Variants in GSE1 observed in about 807,000 individuals in gnomAD.
The protein encoded by GSE1 is Gse1 coiled-coil protein, also known as genetic suppressor element 1.
Under a neutral mutation model 112.6 loss-of-function variants are expected in GSE1, and 32 were observed. The observed-to-expected ratio is 0.28, with a 90% CI of 0.21 to 0.38. GSE1 has a LOEUF of 0.38. Among genes scored for constraint, GSE1 ranks in the 10% least tolerant of loss-of-function variants. The pLI is 1.00. For missense variants in GSE1, 2,348 were observed against 1,699.2 expected, an observed-to-expected ratio of 1.38 and a Z score of -6.71; for synonymous variants, 1,115 against 735.6, an observed-to-expected ratio of 1.52 and a Z score of -8.35.
At chr16:85,391,011 G>A (rs1251854175) in intron 2 of GSE1, among the ~76,000 whole-genome samples, 1 of 152,052 alleles carries the variant, frequency 6.6e-6, no homozygotes, top group East Asian at 1.9e-4. Context: ...TGCGCCCTGG[G>A]AGTTGACAGG....
At chr16:85,204,574 C>T (rs1361238352) in intron 1 of GSE1, among the ~76,000 whole-genome samples, 1 of 152,234 alleles carries the variant, frequency 6.6e-6, no homozygotes, top group African/African-American at 2.4e-5. Flanking sequence ...ACCACCTCAC[C>T]AGCACTTCTT....
intron 1 of GSE1, among the ~76,000 whole-genome samples, chr16:85,274,765 C>T (rs932319597): frequency 7.9e-5 from 12 of 152,246 alleles, no homozygotes; most frequent in African/African-American, 2.2e-4. Context: ...CCAGCCTGCA[C>T]GTCCAGCCAC....
rs200904607 is a variant in GSE1, at chr16:85,657,590, G to A, written c.1626G>A (p.Pro542=). Residue 542 remains proline, a synonymous_variant, in exon 8 of 16, where the codon CCG becomes CCA. Coordinates refer to ENST00000253458, the MANE Select transcript of GSE1 (RefSeq NM_014615.5). ...PPVPAEAEHR[P]ESTTRPGPNR... is the part of the protein sequence containing the mutation. ...TGCCGGCGGAGGCAGAGCACAGGCC[G>A]GAGAGCACCACCAGGTGAGTGAGCC... 80 of 1,535,658 alleles carry A rather than the reference G, an allele frequency of 5.2e-5. No individual in the cohort carries two copies. Among genetic ancestry groups the A allele is most frequent in the Non-Finnish European group, 5.6e-5 (64 of 1,142,418 alleles).
intron 2 of GSE1, among the ~76,000 whole-genome samples, chr16:85,448,063 A>G (rs1014577229): frequency 1.3e-5 from 2 of 152,220 alleles, no homozygotes; most frequent in African/African-American, 4.8e-5. Flanking sequence ...GCGAGGGCTC[A>G]TCAGCCCTCT....
chr16:85,616,173 C>T (rs561071730), intron 1 of GSE1, among the ~76,000 whole-genome samples: 1 of 152,220 alleles, frequency 6.6e-6, no homozygotes, highest in Non-Finnish European at 1.5e-5. Context: ...GAGATTCCCC[C>T]CTTCCAACCC....
chr16:85,268,156 T>C (rs538640639), intron 1 of GSE1, among the ~76,000 whole-genome samples: 2 of 152,270 alleles, frequency 1.3e-5, no homozygotes, highest in South Asian at 4.1e-4. Flanking sequence ...TCCTGCTGCC[T>C]TGGGGGGATT....
intron 1 of GSE1, among the ~76,000 whole-genome samples, chr16:85,568,352 C>T (rs760732100): frequency 6.6e-6 from 1 of 152,162 alleles, no homozygotes; most frequent in African/African-American, 2.4e-5. Flanking sequence ...ATTTCAGGTT[C>T]GCCAGCCCTC....
At chr16:85,514,186 C>T (rs917967543) in intron 2 of GSE1, among the ~76,000 whole-genome samples, 1 of 151,200 alleles carries the variant, frequency 6.6e-6, no homozygotes. Flanking sequence ...ATCTTCCCCC[C>T]TCCCCTCTCT....
At chr16:85,551,959 A>T (rs892153889), upstream of GSE1, among the ~76,000 whole-genome samples, 4 of 151,452 alleles carry the variant, frequency 2.6e-5, no homozygotes, top group Admixed American at 2.6e-4. Flanking sequence ...TGGCCTACCC[A>T]CCGCCAGCCA....
chr16:85,326,170 C>G (rs1447265537), intron 1 of GSE1, among the ~76,000 whole-genome samples: 2 of 152,008 alleles, frequency 1.3e-5, no homozygotes, highest in Non-Finnish European at 2.9e-5. Flanking sequence ...CGGTGCCCCC[C>G]TGGCTCGTTC....
At chr16:85,323,801 G>T (rs917545564) in intron 1 of GSE1, among the ~76,000 whole-genome samples, 1 of 152,194 alleles carries the variant, frequency 6.6e-6, no homozygotes, top group South Asian at 2.1e-4. Flanking sequence ...CTGCATTGTT[G>T]TTGAGTGAGG....
chr16:85,444,972 G>A (rs753849388), intron 2 of GSE1, among the ~76,000 whole-genome samples: 110 of 152,318 alleles, frequency 7.2e-4, no homozygotes, highest in African/African-American at 2.3e-3. Flanking sequence ...CAGGTGTGTC[G>A]CCGGCTCCGC....
intron 1 of GSE1, among the ~76,000 whole-genome samples, chr16:85,173,044 C>G (rs1364309010): frequency 1.3e-5 from 2 of 152,162 alleles, no homozygotes; most frequent in African/African-American, 2.4e-5. Context: ...TGGATGAGCA[C>G]GTCGTCTCCC....
At chr16:85,357,082 A>G (rs1343483244) in intron 1 of GSE1, among the ~76,000 whole-genome samples, 3 of 152,202 alleles carry the variant, frequency 2.0e-5, no homozygotes, top group Admixed American at 2.0e-4. Context: ...AGGGGACAGG[A>G]CAAGGCTGGA....
At chr16:85,294,616 ACTCTCT>A (rs756560732) in intron 1 of GSE1, among the ~76,000 whole-genome samples, 11,038 of 76,516 alleles carry the variant, frequency 0.14, 466 homozygotes, top group Non-Finnish European at 0.17. Flanking sequence ...CACGCCTCTC[ACTCTCT>A]CTCTCTCTCT....
intron 2 of GSE1, among the ~76,000 whole-genome samples, chr16:85,527,443 G>A (rs2052399677): frequency 6.6e-6 from 1 of 152,282 alleles, no homozygotes; most frequent in Non-Finnish European, 1.5e-5. Flanking sequence ...GGCAGGGGTT[G>A]AGGACAAAGG....
chr16:85,426,949 G>A (rs2049008183), intron 2 of GSE1, among the ~76,000 whole-genome samples: 1 of 152,182 alleles, frequency 6.6e-6, no homozygotes, highest in South Asian at 2.1e-4. Flanking sequence ...ACCTTGGTTT[G>A]AATCCTGACT....
chr16:85,445,718 G>C (rs987962552), intron 2 of GSE1, among the ~76,000 whole-genome samples: 1 of 152,226 alleles, frequency 6.6e-6, no homozygotes, highest in African/African-American at 2.4e-5. Context: ...AGCAGCAGCA[G>C]CCCTCTCCTG....
intron 1 of GSE1, among the ~76,000 whole-genome samples, chr16:85,562,358 AC>A (rs1234558298): frequency 4.7e-5 from 6 of 126,744 alleles, no homozygotes; most frequent in Admixed American, 3.2e-4. Flanking sequence ...TCTGGTTCCC[AC>A]CCCCCCTGCC....
Sources: allele counts gnomAD v4.1 joint callset (sites outside exome capture counted in the v4.1 genomes callset), GRCh38; gene constraint gnomAD v4.1.1; transcripts MANE v1.5; gene names NCBI Gene and HGNC (gene_info 2026-07-23, HGNC 2026-07-21).